CAMKK2: variants seen among roughly 807,000 people sequenced by gnomAD.
CAMKK2 encodes the protein calcium/calmodulin dependent protein kinase kinase 2, also known as calcium/calmodulin-dependent protein kinase kinase 2.
Under a neutral mutation model 67.2 loss-of-function variants are expected in CAMKK2, and 30 were observed. That is an observed-to-expected ratio of 0.45 (90% confidence interval 0.33 to 0.61). The LOEUF is 0.61. Among genes scored for constraint, CAMKK2 ranks in the 20% least tolerant of loss-of-function variants. CAMKK2 has a pLI of 0.02. For missense variants in CAMKK2, 643 were observed against 802.0 expected (o/e 0.80, Z 2.39); for synonymous variants, 322 against 326.2 (o/e 0.99, Z 0.14).
chr12:121,244,506 T>A (rs118076200), intron 16 of CAMKK2, 67 bp downstream of exon 16: 129 of 1,462,354 alleles, frequency 8.8e-5, no homozygotes, highest in Non-Finnish European at 1.2e-4. Context: ...GCCCCCGTGC[T>A]CTGCAGCTGC....
At chr12:121,266,410 G>A (rs11065515) in intron 5 of CAMKK2, among the ~76,000 whole-genome samples, 1,952 of 152,170 alleles carry the variant, frequency 0.013, 56 homozygotes, top group African/African-American at 0.044. Flanking sequence ...AGAAGCAGAT[G>A]TCAAAAATTG....
chr12:121,274,720 G>A, intron 1 of CAMKK2, 135 bp from the exon 2 acceptor site: 1 of 585,584 alleles, frequency 1.7e-6, no homozygotes, highest in Non-Finnish European at 3.0e-6. Flanking sequence ...GCAAAACATG[G>A]TGTGATCTGA....
rs80294596 is a variant in CAMKK2, at chr12:121,295,291, G to A, written c.-60+1347C>T. 6.6e-4 allele frequency among the ~76,000 whole-genome samples: 101 copies of A among 152,302 alleles called. 1 individual carries two copies. The East Asian group carries it at 0.018, about 26-fold the overall frequency. Reference sequence around the variant, plus strand: ...CCAATGCCTGCTTCCTCCATAGGAAGGGTGTGTGTCACCAATGCCTGCTTC... The same window carrying A: ...CCAATGCCTGCTTCCTCCATAGGAAAGGTGTGTGTCACCAATGCCTGCTTC... On this transcript the variant is annotated intron_variant, in intron 1 of 16. Transcript: ENST00000404169.
chr12:121,271,273 CAAAA>C (rs11332649), intron 2 of CAMKK2, among the ~76,000 whole-genome samples: 1 of 112,958 alleles, frequency 8.9e-6, no homozygotes. Flanking sequence ...AACTGTGTCT[CAAAA>C]AAAAAAAAAA....
chr12:121,247,594 T>C (rs2668248), intron 14 of CAMKK2, among the ~76,000 whole-genome samples: 2,076 of 152,078 alleles, frequency 0.014, 48 homozygotes, highest in African/African-American at 0.047. Flanking sequence ...GGTGAGTGGG[T>C]GTGGGTGGGT....
chr12:121,274,647 C>T (rs74450939), intron 1 of CAMKK2, 62 bp from the exon 2 acceptor site: 53,360 of 671,302 alleles, frequency 0.079, 2,555 homozygotes, highest in South Asian at 0.14. Context: ...AAAGGATCCC[C>T]TCTCCTCCTG....
rs775623869 is a variant in CAMKK2, at chr12:121,263,786, G to A, written c.759+20C>T. On this transcript the variant is annotated intron_variant, in intron 6 of 16. Transcript: ENST00000404169. ...CAAAGCCAGGGCCTCCCTCCCTCCT[G>A]GGCGCCTCCACCCTTTTACCTCCAC... is the stretch of plus-strand genomic sequence containing the variant. The A allele has an allele frequency of 1.3e-5, 21 of 1,588,394 alleles. No individual in the cohort carries two copies. The highest frequency in any genetic ancestry group is 1.7e-5 in the Non-Finnish European group (20 of 1,162,900).
At chr12:121,270,821 C>G in intron 3 of CAMKK2, 77 bp downstream of exon 3, 1 of 1,193,076 alleles carries the variant, frequency 8.4e-7, no homozygotes, top group Admixed American at 1.7e-5. Context: ...CTGCTCCCAG[C>G]TTTACCCCGT....
intron 13 of CAMKK2, among the ~76,000 whole-genome samples, 184 bp from the exon 14 acceptor site, chr12:121,248,918 A>G (rs1419233013): frequency 6.6e-6 from 1 of 152,238 alleles, no homozygotes; most frequent in Non-Finnish European, 1.5e-5. Context: ...ACGGAGAGAC[A>G]GGACGGGAGG....
At chr12:121,250,516 T>C in intron 11 of CAMKK2, among the ~76,000 whole-genome samples, 1 of 152,194 alleles carries the variant, frequency 6.6e-6, no homozygotes, top group East Asian at 1.9e-4. Flanking sequence ...AACATCTACG[T>C]GGCTTGGTCT....
rs147401446 is a variant in CAMKK2 at position 121,257,943 on chromosome 12, G to A, written c.797-2139C>T. ...TGTTGAAACAGGTCTATTTTCAGTC[G>A]CTAACAGTTCAACCACTTTTGGGGC... On this transcript the variant is annotated intron_variant, in intron 7 of 16. Transcript: ENST00000404169. 1.6e-3 allele frequency among the ~76,000 whole-genome samples: 242 copies of A among 151,958 alleles called. 4 individuals carry two copies. The East Asian group carries it at 0.027, about 17-fold the overall frequency.
chr12:121,297,647 C>G (rs776018360), upstream of CAMKK2: 3 of 517,648 alleles, frequency 5.8e-6, no homozygotes, highest in African/African-American at 5.8e-5. Context: ...CCTACGGGGT[C>G]GAGCGACCCA....
At chr12:121,283,059 A>T (rs1198300233) in intron 1 of CAMKK2, among the ~76,000 whole-genome samples, 1 of 152,136 alleles carries the variant, frequency 6.6e-6, no homozygotes, top group African/African-American at 2.4e-5. Context: ...CCTGCCTAAT[A>T]TCTCTGTTCT....
intron 5 of CAMKK2, among the ~76,000 whole-genome samples, chr12:121,267,235 G>A (rs1164651351): frequency 1.4e-5 from 2 of 145,854 alleles, no homozygotes; most frequent in Non-Finnish European, 3.0e-5. Context: ...TCAGCCTCTC[G>A]AGTAGCCAGG....
intron 16 of CAMKK2, among the ~76,000 whole-genome samples, chr12:121,241,793 G>C (rs541727594): frequency 2.0e-5 from 3 of 152,232 alleles, no homozygotes; most frequent in Non-Finnish European, 4.4e-5. Context: ...GTAACTAGAC[G>C]TTAGGTCAGG....
In CAMKK2 at chr12:121,240,288, A is replaced by T; in HGVS notation, c.*411T>A. Reference sequence around the variant, plus strand: ...CTACTCCCTCTCAAATGCAGCAACCACCTCCATGGCCTCAGACCGCCGGAG... The same window carrying T: ...CTACTCCCTCTCAAATGCAGCAACCTCCTCCATGGCCTCAGACCGCCGGAG... On this transcript the variant is annotated 3_prime_UTR_variant, in exon 17 of 17. Coordinates refer to ENST00000404169, the MANE Select transcript of CAMKK2 (RefSeq NM_001270485.2). The surrounding 1 kb of genome is among the most constrained non-coding windows in gnomAD (Gnocchi z 4.4). 1.4e-6 allele frequency: 1 copy of T among 727,688 alleles called. No homozygotes were observed. The highest frequency in any genetic ancestry group is 2.2e-6 in the Non-Finnish European group (1 of 451,808). 45.1% of individuals were successfully genotyped at this position (727,688 alleles called of 1,614,324 possible). A position where few individuals can be genotyped will look rare whatever the true frequency, so the allele number is the denominator to read the frequency against.
intron 1 of CAMKK2, among the ~76,000 whole-genome samples, chr12:121,276,872 G>A (rs1896908215): frequency 1.6e-5 from 2 of 124,388 alleles, no homozygotes; most frequent in South Asian, 2.9e-4. Context: ...CCAACAGAGG[G>A]AGACTCCATC....
At chr12:121,288,984 C>T (rs1899378991) in intron 1 of CAMKK2, among the ~76,000 whole-genome samples, 2 of 152,234 alleles carry the variant, frequency 1.3e-5, no homozygotes, top group South Asian at 4.1e-4. Context: ...TTCCAAAAGG[C>T]TCTGAGACCA....
intron 1 of CAMKK2, among the ~76,000 whole-genome samples, chr12:121,287,073 T>G (rs930372146): frequency 2.0e-5 from 3 of 151,926 alleles, no homozygotes; most frequent in African/African-American, 7.3e-5. Context: ...CTTGGCTAAT[T>G]TTTTGTATTT....
Sources: gnomAD v4.1 joint callset for allele counts (sites outside exome capture counted in the v4.1 genomes callset) on GRCh38, gnomAD v4.1.1 for gene constraint, Gnocchi (gnomAD v3.1) non-coding constraint, MANE v1.5 for transcripts, NCBI Gene and HGNC (gene_info 2026-07-23, HGNC 2026-07-21) for gene names.